MS4A8: variants seen among roughly 807,000 people sequenced by gnomAD.
MS4A8 encodes the protein membrane spanning 4-domains A8.
MS4A8 carries 27 observed loss-of-function variants against 23.7 expected under a neutral mutation model. That is an observed-to-expected ratio of 1.14 (90% confidence interval 0.84 to 1.57). The LOEUF is 1.57. Among genes scored for constraint, MS4A8 ranks in the 40% most tolerant of loss-of-function variants. The probability of loss-of-function intolerance (pLI) is 0.00; values close to 1 mark genes in which losing one functional copy is unlikely to be tolerated. For synonymous variants in MS4A8, 138 were observed against 126.3 expected (o/e 1.09, Z -0.62); for missense variants, 301 against 311.4 (o/e 0.97, Z 0.25).
At chr11:60,701,386 G>A (rs771696869) in intron 2 of MS4A8, 1 of 504,702 alleles carries the variant, frequency 2.0e-6, no homozygotes, top group East Asian at 5.3e-5. Flanking sequence ...TGAAGAAAGG[G>A]GTCCCAGCAA....
intron 4 of MS4A8, among the ~76,000 whole-genome samples, chr11:60,707,888 G>C (rs1590954152): frequency 6.8e-6 from 1 of 146,346 alleles, no homozygotes; most frequent in East Asian, 2.0e-4. Context: ...GGAATGCAGT[G>C]GTTTGATCTC....
chr11:60,708,929 T>C (rs1590954556), intron 5 of MS4A8, 148 bp downstream of exon 5: 2 of 919,090 alleles, frequency 2.2e-6, no homozygotes, highest in East Asian at 2.7e-5. Flanking sequence ...TTTAAAGTCC[T>C]TGACCCATAG....
At chr11:60,707,812 C>CTTTTTTTTTTTTTT (rs5792195) in intron 4 of MS4A8, among the ~76,000 whole-genome samples, 11 of 55,164 alleles carry the variant, frequency 2.0e-4, no homozygotes, top group African/African-American at 2.5e-4. Flanking sequence ...TTTTCTTTTT[C>CTTTTTTTTTTTTTT]TTTTTTTTTT....
At position 60,714,081 on chromosome 11, in the gene MS4A8, C is replaced by T. The variant is rs1325996235; in HGVS notation, c.535-940C>T. 2.7e-5 allele frequency among the ~76,000 whole-genome samples: 4 copies of T among 148,248 alleles called. 1 individual carries two copies. Among genetic ancestry groups the T allele is most frequent in the East Asian group, 1.9e-4 (1 of 5,150 alleles). On this transcript the variant is annotated intron_variant, in intron 5 of 6. Transcript: ENST00000300226. The stretch of plus-strand genomic sequence containing the variant: ...CTGGGACTACAGGCACCCGCCACCG[C>T]GCCCGGCTAATTTTTTGTATTTTTA...
chr11:60,699,809 G>A (rs2088186072), intron 1 of MS4A8, 34 bp downstream of exon 1: 1 of 152,376 alleles, frequency 6.6e-6, no homozygotes, highest in Admixed American at 6.5e-5. Context: ...TGGTAACTGG[G>A]AGTTGGTGAT....
rs148869742 is a variant in MS4A8, at chr11:60,700,983, G to A, written c.123G>A (p.Pro41=). Residue 41 remains proline (P), a synonymous_variant, in exon 2 of 7, where the codon CCG becomes CCA. Coordinates refer to ENST00000300226, the MANE Select transcript of MS4A8 (RefSeq NM_031457.2). ...TGCCCCTGTATCCAAACAGCCAGCC[G>A]CAAGTCCACCTAGTTCCTGGGAACC... ...SHVPLYPNSQ[P]QVHLVPGNPP... is the part of the protein sequence containing the mutation. 80 of 1,614,190 alleles carry A rather than the reference G, an allele frequency of 5.0e-5. No individual in the cohort carries two copies. In the African/African-American group the frequency reaches 6.3e-4, roughly 13 times the overall value.
intron 4 of MS4A8, among the ~76,000 whole-genome samples, chr11:60,707,925 G>A (rs1041066502): frequency 6.8e-6 from 1 of 147,432 alleles, no homozygotes; most frequent in African/African-American, 2.5e-5. Context: ...TGCCTCCTGG[G>A]TTCAAGCAAT....
intron 4 of MS4A8, 136 bp from the exon 5 acceptor site, chr11:60,708,514 G>A: frequency 1.2e-6 from 1 of 812,542 alleles, no homozygotes; most frequent in Non-Finnish European, 1.8e-6. Context: ...AAATGATTAG[G>A]ATGTTAAATT....
chr11:60,715,518 C>A lies in MS4A8; in HGVS notation c.*104C>A. Reference sequence around the variant, plus strand: ...GTTCCTGTTCTGACAGCTGAGGAAACGTCTCTCCCACTGTTTGTACTCTCA... The same window carrying A: ...GTTCCTGTTCTGACAGCTGAGGAAAAGTCTCTCCCACTGTTTGTACTCTCA... On this transcript the variant is annotated 3_prime_UTR_variant, in exon 7 of 7. Coordinates refer to ENST00000300226, the MANE Select transcript of MS4A8 (RefSeq NM_031457.2). 1.3e-6 allele frequency: 1 copy of A among 787,924 alleles called. No homozygotes were observed. 48.8% of individuals were successfully genotyped at this position (787,924 alleles called of 1,614,324 possible).
rs369099997 is a variant in MS4A8 at position 60,711,647 on chromosome 11, CA to C, written c.534+2868del. ...GGGAATTTTCCTGCTGGGAAAGAAC[CA>C]ATCAGGGAGGCATGGACTGCCCAAT... On this transcript the variant is annotated intron_variant, in intron 5 of 6. Coordinates refer to ENST00000300226, the MANE Select transcript of MS4A8 (RefSeq NM_031457.2). Among the ~76,000 whole-genome samples the C allele has an allele frequency of 3.0e-3, 455 of 152,254 alleles. 2 individuals carry two copies. Among genetic ancestry groups the C allele is most frequent in the African/African-American group, 0.01 (425 of 41,538 alleles).
chr11:60,709,957 A>T (rs922603504), intron 5 of MS4A8, among the ~76,000 whole-genome samples: 1 of 151,912 alleles, frequency 6.6e-6, no homozygotes, highest in Admixed American at 6.6e-5. Context: ...CTTCTCTCAT[A>T]TTCTCTCTGA....
chr11:60,706,946 T>C, intron 3 of MS4A8, 42 bp from the exon 4 acceptor site: 1 of 1,581,302 alleles, frequency 6.3e-7, no homozygotes. Context: ...AAGGGCACCC[T>C]AGCCCCTGAC....
chr11:60,703,850 C>T (rs1463241327), intron 3 of MS4A8, among the ~76,000 whole-genome samples: 1 of 152,172 alleles, frequency 6.6e-6, no homozygotes, highest in Non-Finnish European at 1.5e-5. Context: ...CCACGGCCTT[C>T]CTCCATGCCT....
chr11:60,706,268 A>G (rs1289604127), intron 3 of MS4A8, among the ~76,000 whole-genome samples: 1 of 152,228 alleles, frequency 6.6e-6, no homozygotes, highest in East Asian at 1.9e-4. Context: ...CACTCTTGCT[A>G]GCCCACTGGG....
chr11:60,715,182 T>C (rs767727330), intron 6 of MS4A8, 48 bp downstream of exon 6: 10 of 1,532,004 alleles, frequency 6.5e-6, no homozygotes, highest in Non-Finnish European at 9.0e-6. Context: ...CCCAAAAAGG[T>C]GGAGACAAGG....
At chr11:60,708,968 G>A (rs1304454825) in intron 5 of MS4A8, 187 bp downstream of exon 5, 15 of 602,932 alleles carry the variant, frequency 2.5e-5, no homozygotes, top group Non-Finnish European at 4.3e-5. Flanking sequence ...TCCCAGTTTG[G>A]GTTTCTGCCT....
chr11:60,703,912 C>T (rs1335090019), intron 3 of MS4A8, among the ~76,000 whole-genome samples: 1 of 151,548 alleles, frequency 6.6e-6, no homozygotes, highest in African/African-American at 2.4e-5. Flanking sequence ...GGATTAGGGT[C>T]CCCCCTGATG....
chr11:60,711,597 G>A (rs749257814), intron 5 of MS4A8, among the ~76,000 whole-genome samples: 25 of 152,174 alleles, frequency 1.6e-4, no homozygotes, highest in Admixed American at 1.6e-3. Flanking sequence ...CGTCCACTGC[G>A]AGAGACAGGC....
chr11:60,713,638 G>A (rs1350743582), intron 5 of MS4A8, among the ~76,000 whole-genome samples: 1 of 152,074 alleles, frequency 6.6e-6, no homozygotes, highest in East Asian at 1.9e-4. Context: ...ACGAGCAGGA[G>A]ACAGAAGCTT....
Sources: gnomAD v4.1 joint callset for allele counts (sites outside exome capture counted in the v4.1 genomes callset) on GRCh38, gnomAD v4.1.1 for gene constraint, MANE v1.5 for transcripts, NCBI Gene and HGNC (gene_info 2026-07-23, HGNC 2026-07-21) for gene names.